Variants in USP13 observed in about 807,000 individuals in gnomAD.
USP13 encodes the protein ubiquitin specific peptidase 13.
In USP13, 68 loss-of-function variants were observed where a neutral mutation model predicts 107.8. The ratio of observed to expected loss-of-function variants is 0.63; its 90% confidence interval spans 0.52 to 0.77. USP13 has a LOEUF of 0.77. Ranked by LOEUF, USP13 falls within the 30% of genes least tolerant of loss-of-function variation. The pLI, the probability that USP13 is intolerant of heterozygous loss-of-function variation, is 0.00. For synonymous variants in USP13, 377 were observed against 389.5 expected (o/e 0.97, Z 0.38); for missense variants, 945 against 1,093.3 (o/e 0.86, Z 1.91).
At chr3:179,782,309 T>C (rs1353300700) in intron 20 of USP13, among the ~76,000 whole-genome samples, 1 of 152,262 alleles carries the variant, frequency 6.6e-6, no homozygotes, top group Non-Finnish European at 1.5e-5. Flanking sequence ...ATTGCTTACC[T>C]GATACTCAGA....
chr3:179,684,384 C>T (rs1172366841), intron 2 of USP13, among the ~76,000 whole-genome samples: 1 of 152,020 alleles, frequency 6.6e-6, no homozygotes, highest in East Asian at 1.9e-4. Flanking sequence ...CACCACGGCT[C>T]ATTGTAGCCT....
At chr3:179,679,605 G>C (rs1711577466) in intron 1 of USP13, among the ~76,000 whole-genome samples, 1 of 152,078 alleles carries the variant, frequency 6.6e-6, no homozygotes, top group African/African-American at 2.4e-5. Context: ...GAGAAAACAA[G>C]AGATGAAATT....
At chr3:179,657,762 CAAAAAA>C (rs35377039) in intron 1 of USP13, among the ~76,000 whole-genome samples, 41 of 73,830 alleles carry the variant, frequency 5.6e-4, no homozygotes, top group Admixed American at 1.2e-3. Flanking sequence ...AATTCCGTCT[CAAAAAA>C]AAAAAAAAAA....
At chr3:179,730,875 A>G (rs1053122094) in intron 10 of USP13, among the ~76,000 whole-genome samples, 166 bp downstream of exon 10, 1 of 152,206 alleles carries the variant, frequency 6.6e-6, no homozygotes, top group African/African-American at 2.4e-5. Flanking sequence ...AAAAATTGTG[A>G]CAAGGAATAG....
In USP13 at chr3:179,706,975, A is replaced by G. The variant is rs780567525; in HGVS notation, c.519A>G (p.Pro173=). The change falls in exon 5 of 21, where the codon CCA becomes CCG. Residue 173 remains proline (P), a synonymous_variant. Coordinates refer to ENST00000263966, the MANE Select transcript of USP13 (RefSeq NM_003940.3). ...ACDAVLSSKS[P]YRKQDPDTWE... ...ATGCAGTTCTCAGCTCAAAATCTCC[A>G]TACAGAAAGCAGGACCCAGACACGT... 2.5e-6 allele frequency: 4 copies of G among 1,614,132 alleles called. No individual in the cohort carries two copies. The highest frequency in any genetic ancestry group is 2.5e-6 in the Non-Finnish European group (3 of 1,180,032).
intron 11 of USP13, 119 bp downstream of exon 11, chr3:179,740,491 G>A: frequency 6.9e-7 from 1 of 1,449,590 alleles, no homozygotes; most frequent in South Asian, 1.3e-5. Context: ...AATCTCTCCT[G>A]TTAAAGCTGG....
chr3:179,678,729 G>A lies in USP13; in HGVS notation c.169-3149G>A, dbSNP rs1711551873. On this transcript the variant is annotated intron_variant, in intron 1 of 20. Transcript: ENST00000263966. This position sits in a 1 kb window ranked among gnomAD's most constrained non-coding sequence, Gnocchi z 4.2. ...CCTGCCTCAGCCTCCCAAAATGCTG[G>A]GATTGGATGCTGTTTTGAAGTCAAG... Among the ~76,000 whole-genome samples the A allele has an allele frequency of 6.6e-6, 1 of 152,236 alleles. No individual in the cohort carries two copies. Among genetic ancestry groups the A allele is most frequent in the East Asian group, 1.9e-4 (1 of 5,182 alleles).
chr3:179,751,533 T>C (rs1048389769), intron 13 of USP13, among the ~76,000 whole-genome samples: 2 of 152,094 alleles, frequency 1.3e-5, no homozygotes, highest in Non-Finnish European at 2.9e-5. Flanking sequence ...GTGGGGGTGT[T>C]TCAGGATCAC....
At chr3:179,701,466 A>G (rs1712521211) in intron 4 of USP13, among the ~76,000 whole-genome samples, 2 of 152,144 alleles carry the variant, frequency 1.3e-5, no homozygotes, top group Admixed American at 1.3e-4. Flanking sequence ...TGCACCCCAG[A>G]TCTACAGGGA....
chr3:179,703,113 T>C (rs1358335161), intron 4 of USP13, among the ~76,000 whole-genome samples: 3 of 152,178 alleles, frequency 2.0e-5, no homozygotes, highest in Non-Finnish European at 4.4e-5. Flanking sequence ...TCATTTTTAC[T>C]ATAGAGTCTT....
chr3:179,728,763 C>A (rs977759944), intron 8 of USP13, among the ~76,000 whole-genome samples: 7 of 152,212 alleles, frequency 4.6e-5, no homozygotes, highest in African/African-American at 1.7e-4. Flanking sequence ...GCGGATCACT[C>A]GCGGTTAGGG....
rs530634965 is a variant in USP13 at position 179,762,108 on chromosome 3, C to T, written c.2092+853C>T. On this transcript the variant is annotated intron_variant, in intron 17 of 20. Transcript: ENST00000263966. ...CCCATTTTCCTGCTCACCCCAGCCC[C>T]TGGCAACCACGAATCTGTTTTCTGG... Among the ~76,000 whole-genome samples, 3 of 152,346 alleles carry T rather than the reference C, an allele frequency of 2.0e-5. No individual in the cohort carries two copies. The East Asian group carries it at 5.8e-4, about 29-fold the overall frequency.
intron 11 of USP13, among the ~76,000 whole-genome samples, chr3:179,740,928 G>A (rs962116937): frequency 6.6e-6 from 1 of 151,750 alleles, no homozygotes; most frequent in Non-Finnish European, 1.5e-5. Flanking sequence ...CACCACGCCC[G>A]GCTAATTTTT....
chr3:179,666,863 C>T (rs1430813946), intron 1 of USP13, among the ~76,000 whole-genome samples: 3 of 152,170 alleles, frequency 2.0e-5, no homozygotes, highest in Non-Finnish European at 2.9e-5. Flanking sequence ...CCAGGCAGCC[C>T]GCAGGGGGCT....
intron 19 of USP13, among the ~76,000 whole-genome samples, chr3:179,773,745 T>G (rs1715410607): frequency 6.6e-6 from 1 of 152,236 alleles, no homozygotes; most frequent in African/African-American, 2.4e-5. Context: ...ATTGCCAGGT[T>G]AGGTTAAAAA....
At position 179,721,009 on chromosome 3, in the gene USP13, A is replaced by G. The variant is rs1018321851; in HGVS notation, c.901-393A>G. Among the ~76,000 whole-genome samples, 4 of 152,052 alleles carry G rather than the reference A, an allele frequency of 2.6e-5. No individual in the cohort carries two copies. The highest frequency in any genetic ancestry group is 1.3e-4 in the Admixed American group (2 of 15,268). ...TTTTTAGTAGAGACGGGGTTTTGCT[A>G]TGTTGCTCAGGTGGGTCTCGAACTC... On this transcript the variant is annotated intron_variant, in intron 7 of 20. Transcript: ENST00000263966. The surrounding 1 kb of genome is among the most constrained non-coding windows in gnomAD (Gnocchi z 4.3).
In USP13 at chr3:179,765,730, T is replaced by C. The variant is rs1282975654; in HGVS notation, c.2295T>C (p.Phe765=). The part of the protein sequence containing the change: ...NNLERALDWI[F]SHPEFEEDSD... Reference sequence around the variant, plus strand: ...TGGAAAGAGCACTGGATTGGATCTTTAGCCACCCTGAGTTTGAAGAAGACA... The same window carrying C: ...TGGAAAGAGCACTGGATTGGATCTTCAGCCACCCTGAGTTTGAAGAAGACA... Residue 765 remains phenylalanine (F), a synonymous_variant, in exon 19 of 21, where the codon TTT becomes TTC. Coordinates refer to ENST00000263966, the MANE Select transcript of USP13 (RefSeq NM_003940.3). 2.5e-6 allele frequency: 4 copies of C among 1,614,092 alleles called. No homozygotes were observed. The highest frequency in any genetic ancestry group is 3.3e-5 in the Admixed American group (2 of 60,006).
At position 179,677,145 on chromosome 3, in the gene USP13, AC is replaced by A. The variant is rs558107055; in HGVS notation, c.169-4732del. Reference sequence around the variant, plus strand: ...AGTGCTGGAATTACAGGCGTGAGCCACTGTGCCCGGCCACCTGTTGATGTTA... The same window carrying A: ...AGTGCTGGAATTACAGGCGTGAGCCATGTGCCCGGCCACCTGTTGATGTTA... On this transcript the variant is annotated intron_variant, in intron 1 of 20. Coordinates refer to ENST00000263966, the MANE Select transcript of USP13 (RefSeq NM_003940.3). Among the ~76,000 whole-genome samples the A allele has an allele frequency of 8.7e-4, 131 of 150,730 alleles. 1 individual carries two copies. The highest frequency in any genetic ancestry group is 1.7e-3 in the Non-Finnish European group (113 of 67,718).
At chr3:179,772,338 C>T in intron 19 of USP13, among the ~76,000 whole-genome samples, 1 of 152,246 alleles carries the variant, frequency 6.6e-6, no homozygotes, top group Non-Finnish European at 1.5e-5. Context: ...AAAGAACTCA[C>T]TGATTGCCAA....
Sources: allele counts gnomAD v4.1 joint callset (sites outside exome capture counted in the v4.1 genomes callset), GRCh38; gene constraint gnomAD v4.1.1; non-coding constraint Gnocchi (gnomAD v3.1); transcripts MANE v1.5; gene names NCBI Gene and HGNC (gene_info 2026-07-23, HGNC 2026-07-21).